PIK3R2: variants seen among roughly 807,000 people sequenced by gnomAD.
The protein encoded by PIK3R2 is phosphoinositide-3-kinase regulatory subunit 2, also known as phosphatidylinositol 3-kinase regulatory subunit beta.
PIK3R2 carries 40 observed loss-of-function variants against 78.5 expected under a neutral mutation model. The ratio of observed to expected loss-of-function variants is 0.51; its 90% CI spans 0.40 to 0.66. The LOEUF (loss-of-function observed/expected upper bound fraction) is 0.66. Among genes scored for constraint, PIK3R2 ranks in the 30% least tolerant of loss-of-function variants. PIK3R2 has a pLI of 0.00. For missense variants in PIK3R2, 880 were observed against 1,026.6 expected, an observed-to-expected ratio of 0.86 and a Z score of 1.95; for synonymous variants, 473 against 457.7, an observed-to-expected ratio of 1.03 and a Z score of -0.43.
At chr19:18,166,122 G>A (rs1383120464) in intron 11 of PIK3R2, 38 bp from the exon 12 acceptor site, 1 of 1,613,036 alleles carries the variant, frequency 6.2e-7, no homozygotes, top group South Asian at 1.1e-5. Context: ...GCCTTTTGGG[G>A]AGTCCCAGGA....
rs1266956425 is a variant in PIK3R2 at position 18,168,894 on chromosome 19, G to T, written c.1977G>T (p.Val659=). The change falls in exon 15 of 16, where the codon GTG becomes GTT. Residue 659 remains valine (V), a splice_region_variant and synonymous_variant. Coordinates refer to ENST00000222254, the MANE Select transcript of PIK3R2 (RefSeq NM_005027.4). The surrounding 1 kb of genome is among the most constrained non-coding windows in gnomAD (Gnocchi z 4.1). ...SSQRGCYACS[V]VVDGDTKHCV... is the part of the protein sequence containing the mutation. ...AGCGGGGCTGCTACGCCTGCTCCGT[G>T]GTGTGAGTGGACCGCAGCGGTGGGG... is the stretch of plus-strand genomic sequence containing the variant. The T allele has an allele frequency of 4.3e-6, 7 of 1,611,964 alleles. No individual in the cohort carries two copies. The highest frequency in any genetic ancestry group is 5.9e-6 in the Non-Finnish European group (7 of 1,179,096).
In PIK3R2 at chr19:18,167,367, C is replaced by G; in HGVS notation, c.1736+61C>G. ...GGCGACTGCTGCGGCACATGGAGAT[C>G]TCTCTAGGAGTCTCAGTCTCTCTCT... On this transcript the variant is annotated intron_variant, in intron 13 of 15. Transcript: ENST00000222254. This position sits in a 1 kb window ranked among gnomAD's most constrained non-coding sequence, Gnocchi z 4.5. 2.8e-6 allele frequency: 4 copies of G among 1,407,776 alleles called. No homozygotes were observed. Among genetic ancestry groups the G allele is most frequent in the African/African-American group, 1.5e-5 (1 of 68,776 alleles). 87.2% of individuals were successfully genotyped at this position (1,407,776 alleles called of 1,614,324 possible). A position where few individuals can be genotyped will look rare whatever the true frequency, so the allele number is the denominator to read the frequency against.
Position 18,163,265 on chromosome 19 carries a change from C to A in PIK3R2, c.1293C>A (p.Asp431Glu), listed in dbSNP as rs969455765. The change falls in exon 11 of 16, where the codon GAC becomes GAA. Residue 431 changes from aspartate (D) to glutamate (E), a missense_variant and splice_region_variant. By Grantham distance (45) the Asp-to-Glu change is conservative. Around this residue, in one of 3 missense-constraint regions of PIK3R2, gnomAD observed 156 missense variants for 241.0 expected, o/e 0.65. Transcript: ENST00000222254. ...CTCATTCCGCCACGTATCTCCAGGA[C>A]CAGATTGTCAAGGAGGACAGCGTGG... ...LLYPVSKYQQ[D>E]QIVKEDSVEA... 2 of 1,613,986 alleles carry A rather than the reference C, an allele frequency of 1.2e-6. No individual in the cohort carries two copies. The highest frequency in any genetic ancestry group is 1.7e-6 in the Non-Finnish European group (2 of 1,180,032).
At chr19:18,164,432 A>T (rs1448815938) in intron 11 of PIK3R2, among the ~76,000 whole-genome samples, 1 of 152,160 alleles carries the variant, frequency 6.6e-6, no homozygotes, top group African/African-American at 2.4e-5. Context: ...GCTTGAGCCC[A>T]GGAGTTCAAG....
At chr19:18,159,674 A>G (rs747670406) in intron 2 of PIK3R2, among the ~76,000 whole-genome samples, 28 of 151,346 alleles carry the variant, frequency 1.9e-4, no homozygotes, top group Non-Finnish European at 4.1e-4. Context: ...TGAACTCTTA[A>G]CCTCAAGTGA....
chr19:18,166,355 A>C (rs545252779), intron 12 of PIK3R2, 53 bp downstream of exon 12: 1 of 1,506,906 alleles, frequency 6.6e-7, no homozygotes, highest in East Asian at 2.3e-5. Flanking sequence ...GGTGCAGTAC[A>C]AGCCAGGGAG....
In PIK3R2 at chr19:18,162,403, C is replaced by A. The variant is rs746842145; in HGVS notation, c.1011-5C>A. 1.9e-6 allele frequency: 3 copies of A among 1,613,040 alleles called. No individual in the cohort carries two copies. Among genetic ancestry groups the A allele is most frequent in the Non-Finnish European group, 2.5e-6 (3 of 1,179,614 alleles). ...CGGCAGTCCCAATGTTGGATGTTCC[C>A]ACAGGGAGGAGGTGAACGAGAAACT... On this transcript the variant is annotated splice_polypyrimidine_tract_variant and splice_region_variant and intron_variant, in intron 8 of 15. Coordinates refer to ENST00000222254, the MANE Select transcript of PIK3R2 (RefSeq NM_005027.4).
In PIK3R2 at chr19:18,161,417, T is replaced by A; in HGVS notation, c.737T>A (p.Leu246Gln). 3 of 1,213,268 alleles carry A rather than the reference T, an allele frequency of 2.5e-6. No individual in the cohort carries two copies. Among genetic ancestry groups the A allele is most frequent in the Non-Finnish European group, 3.1e-6 (3 of 977,938 alleles). 75.2% of individuals were successfully genotyped at this position (1,213,268 alleles called of 1,614,324 possible). A position where few individuals can be genotyped will look rare whatever the true frequency, so the allele number is the denominator to read the frequency against. ...GCCCTGGGTCCCGCGGTCCGGGCCC[T>A]GGGCGCCACCTTTGGGCCGCTGCTG... is the stretch of plus-strand genomic sequence containing the variant. ...APALGPAVRA[L>Q]GATFGPLLLR... Residue 246 changes from leucine to glutamine, a missense_variant, in exon 6 of 16, where the codon CTG (leucine) becomes CAG (glutamine). This residue lies in a region of PIK3R2 where 456 missense variants were observed against 486.6 expected (regional missense o/e 0.94). Transcript: ENST00000222254. The surrounding 1 kb of genome is among the most constrained non-coding windows in gnomAD (Gnocchi z 5.3).
At position 18,167,890 on chromosome 19, in the gene PIK3R2, C is replaced by T. The variant is rs1440333420; in HGVS notation, c.1736+584C>T. On this transcript the variant is annotated intron_variant, in intron 13 of 15. Coordinates refer to ENST00000222254, the MANE Select transcript of PIK3R2 (RefSeq NM_005027.4). The surrounding 1 kb of genome is among the most constrained non-coding windows in gnomAD (Gnocchi z 4.5). Reference sequence around the variant, plus strand: ...GAAAAGAAAAGAAAAAAAAAATCGCCTGCTGTGCAACCTACCATGCTGGGT... The same window carrying T: ...GAAAAGAAAAGAAAAAAAAAATCGCTTGCTGTGCAACCTACCATGCTGGGT... 1.3e-5 allele frequency among the ~76,000 whole-genome samples: 2 copies of T among 152,000 alleles called. No homozygotes were observed. The highest frequency in any genetic ancestry group is 2.4e-5 in the African/African-American group (1 of 41,376).
intron 11 of PIK3R2, among the ~76,000 whole-genome samples, chr19:18,164,484 A>G (rs2043786251): frequency 6.6e-6 from 1 of 152,212 alleles, no homozygotes; most frequent in Non-Finnish European, 1.5e-5. Context: ...TCTTAAAAAA[A>G]TAAAATAAAA....
rs1430119039 is a variant in PIK3R2 at position 18,169,605 on chromosome 19, C to G, written c.*311C>G. The G allele has an allele frequency of 2.9e-5, 8 of 276,354 alleles. No individual in the cohort carries two copies. Among genetic ancestry groups the G allele is most frequent in the Non-Finnish European group, 4.8e-5 (7 of 145,786 alleles). 17.1% of individuals were successfully genotyped at this position (276,354 alleles called of 1,614,324 possible). A position where few individuals can be genotyped will look rare whatever the true frequency, so the allele number is the denominator to read the frequency against. ...CCATGGCTCTGGTCACCCTGACCCTCTGCCCTGCCCACCGCAGGTCCCCCG... is the reference window on the plus strand; with the variant it reads ...CCATGGCTCTGGTCACCCTGACCCTGTGCCCTGCCCACCGCAGGTCCCCCG... On this transcript the variant is annotated 3_prime_UTR_variant, in exon 16 of 16. Transcript: ENST00000222254.
In PIK3R2 at chr19:18,156,013, AGGGT is replaced by A; in HGVS notation, c.137_140del (p.Gly46AlafsTer83). 6.4e-7 allele frequency: 1 copy of A among 1,558,484 alleles called. No homozygotes were observed. Among genetic ancestry groups the A allele is most frequent in the Non-Finnish European group, 8.7e-7 (1 of 1,151,610 alleles). ...GCCTTGCAGGCGCTGGGCGTGGCCG[AGGGT>A]GGCGAGCGCTGCCCACAGAGCGTGG... is the stretch of plus-strand genomic sequence containing the variant. On this transcript the variant is annotated frameshift_variant, in exon 2 of 16. Coordinates refer to ENST00000222254, the MANE Select transcript of PIK3R2 (RefSeq NM_005027.4). LOFTEE classifies it high-confidence loss of function. This position sits in a 1 kb window ranked among gnomAD's most constrained non-coding sequence, Gnocchi z 4.2.
At chr19:18,164,630 TTTTTG>T (rs1481316344) in intron 11 of PIK3R2, among the ~76,000 whole-genome samples, 1 of 143,302 alleles carries the variant, frequency 7.0e-6, no homozygotes, top group African/African-American at 2.5e-5. Flanking sequence ...TGTCCTCTTT[TTTTTG>T]TTTTGTTTTT....
chr19:18,162,920 T>A (rs2147952646), intron 9 of PIK3R2, 47 bp from the exon 10 acceptor site: 1 of 1,556,446 alleles, frequency 6.4e-7, no homozygotes, highest in Non-Finnish European at 8.8e-7. Flanking sequence ...GGATTGAGGG[T>A]CAGGTGCGGG....
rs1282812594 is a variant in PIK3R2 at position 18,162,310 on chromosome 19, G to A, written c.1010G>A (p.Arg337Lys). 6.2e-7 allele frequency: 1 copy of A among 1,604,256 alleles called. No individual in the cohort carries two copies. The highest frequency in any genetic ancestry group is 1.3e-5 in the African/African-American group (1 of 74,774). ...GAGTGGTACTGGGGGGACATTTCAA[G>A]GTAGGTTGCTGGCAGGGGGCCAGGG... is the stretch of plus-strand genomic sequence containing the variant. ...DAEWYWGDIS[R>K]EEVNEKLRDT... The change falls in exon 8 of 16, where the codon AGG becomes AAG. Residue 337 changes from arginine (R) to lysine (K), a missense_variant and splice_region_variant. Coordinates refer to ENST00000222254, the MANE Select transcript of PIK3R2 (RefSeq NM_005027.4).
At position 18,168,880 on chromosome 19, in the gene PIK3R2, T is replaced by G. The variant is rs775377405; in HGVS notation, c.1963T>G (p.Tyr655Asp). The change falls in exon 15 of 16, where the codon TAC becomes GAC. Residue 655 changes from tyrosine (Y) to aspartate (D), a missense_variant. Physicochemically the swap from Tyr to Asp is radical, Grantham distance 160 (BLOSUM62 -3). Transcript: ENST00000222254. This position sits in a 1 kb window ranked among gnomAD's most constrained non-coding sequence, Gnocchi z 4.1. ...CCGCGAGAGCAGCCAGCGGGGCTGCTACGCCTGCTCCGTGGTGTGAGTGGA... is the reference window on the plus strand; with the variant it reads ...CCGCGAGAGCAGCCAGCGGGGCTGCGACGCCTGCTCCGTGGTGTGAGTGGA... The part of the protein sequence containing the change: ...LIRESSQRGC[Y>D]ACSVVVDGDT... The G allele has an allele frequency of 6.2e-7, 1 of 1,613,076 alleles. No individual in the cohort carries two copies. The highest frequency in any genetic ancestry group is 1.1e-5 in the South Asian group (1 of 90,942).
intron 11 of PIK3R2, among the ~76,000 whole-genome samples, chr19:18,165,810 G>A (rs137946414): frequency 4.6e-5 from 7 of 152,248 alleles, no homozygotes; most frequent in African/African-American, 1.7e-4. Flanking sequence ...CTTTGTTAGG[G>A]GTTGTTGGAA....
chr19:18,159,141 CT>C (rs1479312792), intron 2 of PIK3R2, among the ~76,000 whole-genome samples: 1 of 7,096 alleles, frequency 1.4e-4, no homozygotes, highest in African/African-American at 4.5e-4. Flanking sequence ...TGCGCCTGGC[CT>C]CCTTTTTTTT....
Position 18,168,785 on chromosome 19 carries a change from A to T in PIK3R2, c.1868A>T (p.Tyr623Phe). Reference sequence around the variant, plus strand: ...CCGCACCACGAGGAACGCACTTGGTACGTGGGCAAGATCAACCGCACGCAG... The same window carrying T: ...CCGCACCACGAGGAACGCACTTGGTTCGTGGGCAAGATCAACCGCACGCAG... The part of the protein sequence containing the change: ...DLPHHEERTW[Y>F]VGKINRTQAE... The change falls in exon 15 of 16, where the codon TAC becomes TTC. Residue 623 changes from tyrosine to phenylalanine, a missense_variant. By Grantham distance (22) the Tyr-to-Phe change is conservative. Coordinates refer to ENST00000222254, the MANE Select transcript of PIK3R2 (RefSeq NM_005027.4). The surrounding 1 kb of genome is among the most constrained non-coding windows in gnomAD (Gnocchi z 4.1). 4 of 1,613,812 alleles carry T rather than the reference A, an allele frequency of 2.5e-6. No homozygotes were observed. The highest frequency in any genetic ancestry group is 3.4e-6 in the Non-Finnish European group (4 of 1,179,864).
Sources: gnomAD v4.1 joint callset for allele counts (sites outside exome capture counted in the v4.1 genomes callset) on GRCh38, gnomAD v4.1.1 for gene constraint, gnomAD v4.1.1 regional missense constraint, Gnocchi (gnomAD v3.1) non-coding constraint, MANE v1.5 for transcripts, NCBI Gene and HGNC (gene_info 2026-07-23, HGNC 2026-07-21) for gene names.